ADGRB3: variants seen among roughly 807,000 people sequenced by gnomAD.
The protein encoded by ADGRB3 is adhesion G protein-coupled receptor B3.
Under a neutral mutation model 193.4 loss-of-function variants are expected in ADGRB3, and 37 were observed. The ratio of observed to expected loss-of-function variants is 0.19; its 90% CI spans 0.15 to 0.25. The LOEUF (loss-of-function observed/expected upper bound fraction) is 0.25, where lower values mean the gene tolerates loss of function less well. Among genes scored for constraint, ADGRB3 ranks in the 10% least tolerant of loss-of-function variants. The pLI is 1.00. For synonymous variants in ADGRB3, 690 were observed against 644.2 expected, an observed-to-expected ratio of 1.07 and a Z score of -1.08; for missense variants, 1,637 against 1,852.9, an observed-to-expected ratio of 0.88 and a Z score of 2.14.
intron 17 of ADGRB3, among the ~76,000 whole-genome samples, chr6:69,135,911 T>C (rs1774136827): frequency 6.6e-6 from 1 of 152,062 alleles, no homozygotes; most frequent in Non-Finnish European, 1.5e-5. Flanking sequence ...AAAGATTCCC[T>C]GTGTGATTGA....
chr6:68,891,437 G>T (rs1212114076), intron 3 of ADGRB3, among the ~76,000 whole-genome samples: 1 of 152,060 alleles, frequency 6.6e-6, no homozygotes, highest in African/African-American at 2.4e-5. Context: ...ATGCTGGTCT[G>T]GAATGAATTT....
chr6:69,333,081 A>T, intron 24 of ADGRB3, 73 bp downstream of exon 24: 1 of 1,477,422 alleles, frequency 6.8e-7, no homozygotes, highest in Non-Finnish European at 9.3e-7. Context: ...ACCATCACTG[A>T]CTGCGTTTGA....
Position 68,653,884 on chromosome 6 carries a change from A to G in ADGRB3, c.757+14452A>G, listed in dbSNP as rs550752375. Among the ~76,000 whole-genome samples the G allele has an allele frequency of 7.4e-5, 11 of 149,258 alleles. No homozygotes were observed. The Middle Eastern group carries it at 0.01, about 139-fold the overall frequency. On this transcript the variant is annotated intron_variant, in intron 3 of 31. Coordinates refer to ENST00000370598, the MANE Select transcript of ADGRB3 (RefSeq NM_001704.3). ...TATTCTTTCGTCTTTTCTCTCTTCT[A>G]TTTCTCTCACAGCCCCTCCCTCCCT...
chr6:69,203,113 A>G (rs1765465402), intron 17 of ADGRB3, among the ~76,000 whole-genome samples: 1 of 152,174 alleles, frequency 6.6e-6, no homozygotes, highest in Non-Finnish European at 1.5e-5. Flanking sequence ...CTCAGTTAAG[A>G]ATACAGATAT....
At chr6:68,996,574 A>G (rs780577084) in intron 11 of ADGRB3, among the ~76,000 whole-genome samples, 143 of 152,266 alleles carry the variant, frequency 9.4e-4, no homozygotes, top group Admixed American at 1.8e-3. Flanking sequence ...CACTTGAGGT[A>G]AATGAACCAC....
chr6:69,020,067 A>G (rs1321664113), intron 13 of ADGRB3, among the ~76,000 whole-genome samples: 1 of 152,038 alleles, frequency 6.6e-6, no homozygotes, highest in Non-Finnish European at 1.5e-5. Flanking sequence ...AGGGAAGGAA[A>G]TGAGTTATGA....
intron 3 of ADGRB3, among the ~76,000 whole-genome samples, chr6:68,801,676 C>T (rs1485905959): frequency 2.0e-5 from 3 of 151,654 alleles, no homozygotes; most frequent in South Asian, 2.1e-4. Flanking sequence ...GCAACAAGAG[C>T]GAAACTCCAT....
In ADGRB3 at chr6:68,707,130, A is replaced by C. The variant is rs549743706; in HGVS notation, c.757+67698A>C. The stretch of plus-strand genomic sequence containing the variant: ...CATCTCAAAAAAAAAAAAAAAAAAA[A>C]GATTGTTTTGATGGAAGGATTTGCT... On this transcript the variant is annotated intron_variant, in intron 3 of 31. Coordinates refer to ENST00000370598, the MANE Select transcript of ADGRB3 (RefSeq NM_001704.3). Among the ~76,000 whole-genome samples, 376 of 142,014 alleles carry C rather than the reference A, an allele frequency of 2.6e-3. 6 individuals are homozygous for C. In the East Asian group the frequency reaches 0.056, roughly 21 times the overall value. 93.2% of individuals were successfully genotyped at this position (142,014 alleles called of 152,430 possible).
intron 3 of ADGRB3, among the ~76,000 whole-genome samples, chr6:68,776,434 A>G (rs1043001960): frequency 6.6e-6 from 1 of 152,192 alleles, no homozygotes; most frequent in East Asian, 1.9e-4. Flanking sequence ...TGAATGGGGT[A>G]TGACCCCTCT....
chr6:68,791,794 A>G (rs963784692), intron 3 of ADGRB3, among the ~76,000 whole-genome samples: 1 of 152,200 alleles, frequency 6.6e-6, no homozygotes, highest in African/African-American at 2.4e-5. Context: ...ATTATGTTTA[A>G]ATAAAGTAAA....
chr6:68,682,658 A>G (rs2585598), intron 3 of ADGRB3, among the ~76,000 whole-genome samples: 53,811 of 152,174 alleles, frequency 0.35, 10,321 homozygotes, highest in East Asian at 0.6. Context: ...GGAAGGGACC[A>G]TAATGAAATA....
intron 3 of ADGRB3, among the ~76,000 whole-genome samples, chr6:68,884,139 A>G (rs959505628): frequency 2.6e-5 from 4 of 152,134 alleles, no homozygotes; most frequent in African/African-American, 9.7e-5. Context: ...AGGTTCATTT[A>G]TTTTTTAAAT....
intron 3 of ADGRB3, among the ~76,000 whole-genome samples, chr6:68,697,328 T>C (rs1045975276): frequency 6.6e-6 from 1 of 151,984 alleles, no homozygotes; most frequent in Non-Finnish European, 1.5e-5. Flanking sequence ...ATATATGGCC[T>C]GCTTTGATCA....
intron 3 of ADGRB3, among the ~76,000 whole-genome samples, chr6:68,919,005 T>C (rs1766954575): frequency 6.6e-6 from 1 of 152,062 alleles, no homozygotes; most frequent in East Asian, 1.9e-4. Flanking sequence ...TTTCCCACCA[T>C]TTTTCTGGAC....
At chr6:69,172,436 G>A (rs546094788) in intron 17 of ADGRB3, among the ~76,000 whole-genome samples, 30 of 151,802 alleles carry the variant, frequency 2.0e-4, no homozygotes, top group Admixed American at 1.8e-3. Flanking sequence ...GAGGTCAGGA[G>A]ATCAAGACCA....
intron 24 of ADGRB3, among the ~76,000 whole-genome samples, chr6:69,338,175 C>T (rs1763696851): frequency 1.3e-5 from 2 of 152,030 alleles, no homozygotes; most frequent in Non-Finnish European, 2.9e-5. Context: ...GTGCAAAATC[C>T]TCTAGACAAG....
At chr6:69,232,288 C>A in intron 17 of ADGRB3, 20 of 578,658 alleles carry the variant, frequency 3.5e-5, no homozygotes, top group East Asian at 1.3e-4. Context: ...TTTTCTTTTT[C>A]TCTCTTCCTG....
chr6:69,337,837 T>C (rs1432762195), intron 24 of ADGRB3, among the ~76,000 whole-genome samples: 1 of 152,174 alleles, frequency 6.6e-6, no homozygotes, highest in Non-Finnish European at 1.5e-5. Flanking sequence ...ATCTTACAAC[T>C]TTCTCTCTTC....
chr6:68,875,700 T>A (rs566821578), intron 3 of ADGRB3, among the ~76,000 whole-genome samples: 1 of 152,204 alleles, frequency 6.6e-6, no homozygotes, highest in Admixed American at 6.5e-5. Context: ...GTATTTTAAA[T>A]ATCAACTATA....
Sources: gnomAD v4.1 joint callset for allele counts (sites outside exome capture counted in the v4.1 genomes callset) on GRCh38, gnomAD v4.1.1 for gene constraint, MANE v1.5 for transcripts, NCBI Gene and HGNC (gene_info 2026-07-23, HGNC 2026-07-21) for gene names.